The following TENT5D variants were observed in gnomAD, a reference collection of about 807,000 sequenced individuals.
TENT5D encodes the protein cancer/testis antigen 112.
For synonymous variants in TENT5D, 103 were observed against 100.6 expected, an observed-to-expected ratio of 1.02 and a Z score of -0.15; for missense variants, 191 against 287.0, an observed-to-expected ratio of 0.67 and a Z score of 2.42.
intron 3 of TENT5D, among the ~76,000 whole-genome samples, chrX:80,387,753 A>G (rs181324018): frequency 2.7e-3 from 300 of 111,010 alleles, no homozygotes; most frequent in African/African-American, 9.2e-3. Context: ...GCCACCGCCT[A>G]TGTTTTCTCA....
intron 3 of TENT5D, among the ~76,000 whole-genome samples, chrX:80,385,578 T>C (rs1339734917): frequency 8.9e-6 from 1 of 111,939 alleles, no homozygotes; most frequent in Non-Finnish European, 1.9e-5. Flanking sequence ...AAATGGGATC[T>C]AATTAAACTA....
chrX:80,344,897 CAT>C (rs752039170), intron 3 of TENT5D, among the ~76,000 whole-genome samples: 1 of 111,560 alleles, frequency 9.0e-6, no homozygotes, highest in South Asian at 3.7e-4. Context: ...AATTTTAACC[CAT>C]GTTAGTTTCC....
At chrX:80,411,732 T>A (rs1048967527) in intron 3 of TENT5D, among the ~76,000 whole-genome samples, 1 of 112,678 alleles carries the variant, frequency 8.9e-6, no homozygotes, top group African/African-American at 3.2e-5. Flanking sequence ...TATCAATTAT[T>A]TAGCTTAATA....
chrX:80,351,771 C>A (rs1930183170), intron 3 of TENT5D, among the ~76,000 whole-genome samples: 1 of 111,278 alleles, frequency 9.0e-6, no homozygotes, highest in Non-Finnish European at 1.9e-5. Flanking sequence ...CTGGTTTTTC[C>A]TCGTGTTCGT....
chrX:80,415,816 G>T (rs980618498), upstream of TENT5D, among the ~76,000 whole-genome samples: 29 of 111,944 alleles, frequency 2.6e-4, no homozygotes, highest in Admixed American at 2.7e-3. Context: ...CATAGAATGA[G>T]TTAGGGAACA....
intron 3 of TENT5D, among the ~76,000 whole-genome samples, chrX:80,362,790 T>G (rs1930436018): frequency 9.0e-6 from 1 of 111,621 alleles, no homozygotes. Flanking sequence ...TTTTAAAGAT[T>G]GTGAAATAAA....
intron 3 of TENT5D, among the ~76,000 whole-genome samples, chrX:80,397,674 C>T (rs1243474928): frequency 8.9e-6 from 1 of 112,293 alleles, no homozygotes; most frequent in East Asian, 2.8e-4. Flanking sequence ...CGTCTGCAAT[C>T]CCGGCACCTC....
At chrX:80,399,610 TA>T (rs1333687811) in intron 3 of TENT5D, among the ~76,000 whole-genome samples, 1 of 111,963 alleles carries the variant, frequency 8.9e-6, no homozygotes, top group African/African-American at 3.2e-5. Flanking sequence ...TGTAATTCAG[TA>T]AAAAAGAATT....
intron 3 of TENT5D, among the ~76,000 whole-genome samples, chrX:80,393,123 C>T (rs1420250280): frequency 1.8e-5 from 2 of 110,303 alleles, no homozygotes; most frequent in African/African-American, 6.6e-5. Flanking sequence ...GTTGGTTGAA[C>T]ATAATGTGTC....
chrX:80,376,069 G>GT (rs1369792458), intron 3 of TENT5D, among the ~76,000 whole-genome samples: 186 of 106,351 alleles, frequency 1.7e-3, no homozygotes, highest in Non-Finnish European at 2.8e-3. Context: ...AAGTTTCAGT[G>GT]TTTTTTTTTT....
At chrX:80,411,203 C>G (rs1393297378) in intron 3 of TENT5D, among the ~76,000 whole-genome samples, 2 of 108,235 alleles carry the variant, frequency 1.8e-5, no homozygotes, top group Admixed American at 2.0e-4. Context: ...ATGTAACTAA[C>G]CTGCACAATG....
At chrX:80,421,941 C>CG (rs200758559) in intron 1 of TENT5D, among the ~76,000 whole-genome samples, 5 of 109,179 alleles carry the variant, frequency 4.6e-5, no homozygotes, top group African/African-American at 1.7e-4. Context: ...ATTTGTGTGT[C>CG]GGGGGGTGGG....
chrX:80,335,814 T>C (rs1929836938), intron 2 of TENT5D: 1 of 111,569 alleles, frequency 9.0e-6, no homozygotes, highest in Admixed American at 9.6e-5. Flanking sequence ...TGAAGTTCAC[T>C]TATGGCGTTA....
At chrX:80,424,084 T>G (rs1931940853) in intron 1 of TENT5D, among the ~76,000 whole-genome samples, 1 of 104,416 alleles carries the variant, frequency 9.6e-6, no homozygotes, top group Non-Finnish European at 2.0e-5. Context: ...TAAGCGTTGA[T>G]TTTTTTTTTT....
At chrX:80,403,974 T>C (rs780209839) in intron 3 of TENT5D, among the ~76,000 whole-genome samples, 17 of 111,621 alleles carry the variant, frequency 1.5e-4, no homozygotes, top group Non-Finnish European at 3.0e-4. Flanking sequence ...ACGATGTACA[T>C]TGGTTTGGTC....
At chrX:80,404,422 A>G (rs1931443388) in intron 3 of TENT5D, among the ~76,000 whole-genome samples, 1 of 111,778 alleles carries the variant, frequency 8.9e-6, no homozygotes, top group Admixed American at 9.5e-5. Flanking sequence ...AACCTTTATA[A>G]TTTTGTATTA....
intron 3 of TENT5D, among the ~76,000 whole-genome samples, chrX:80,366,103 A>C (rs1024759910): frequency 1.8e-5 from 2 of 110,280 alleles, no homozygotes; most frequent in African/African-American, 6.6e-5. Flanking sequence ...TTAGTATTTC[A>C]TGGTATGTTA....
rs749105101 is a variant in TENT5D at position 80,358,779 on chromosome X, T to C, written c.-142+16215T>C. The stretch of plus-strand genomic sequence containing the variant: ...TGTCCTCAAGGAAGTTACTATGCAG[T>C]TGTAGAAATCAAACTGACGTACATT... On this transcript the variant is annotated intron_variant, in intron 3 of 4. Coordinates refer to the TENT5D transcript ENST00000538312. Among the ~76,000 whole-genome samples, 6 of 111,896 alleles carry C rather than the reference T, an allele frequency of 5.4e-5. No individual in the cohort carries two copies. The East Asian group carries it at 1.4e-3, about 26-fold the overall frequency.
At chrX:80,383,954 G>C (rs1930932734) in intron 3 of TENT5D, among the ~76,000 whole-genome samples, 1 of 111,236 alleles carries the variant, frequency 9.0e-6, no homozygotes, top group African/African-American at 3.3e-5. Flanking sequence ...TCCAGGACCA[G>C]ATGGATTCAC....
Sources: allele counts gnomAD v4.1 joint callset (sites outside exome capture counted in the v4.1 genomes callset), GRCh38; gene constraint gnomAD v4.1.1; transcripts MANE v1.5; gene names NCBI Gene and HGNC (gene_info 2026-07-23, HGNC 2026-07-21).